The following ANO1 variants were observed in gnomAD, a reference collection of about 807,000 sequenced individuals.
ANO1 encodes anoctamin-1.
ANO1 carries 59 observed loss-of-function variants against 124.0 expected under a neutral mutation model. The observed-to-expected ratio is 0.48, with a 90% CI of 0.39 to 0.59. The LOEUF is 0.59. Among genes scored for constraint, ANO1 ranks in the 20% least tolerant of loss-of-function variants. The pLI is 0.00. For synonymous variants in ANO1, 529 were observed against 532.0 expected (o/e 0.99, Z 0.08); for missense variants, 1,059 against 1,328.0 (o/e 0.80, Z 3.15).
chr11:70,157,602 C>T (rs2047871453), intron 16 of ANO1, among the ~76,000 whole-genome samples: 1 of 152,130 alleles, frequency 6.6e-6, no homozygotes, highest in Non-Finnish European at 1.5e-5. Context: ...TGATACACAG[C>T]TTTCATTTTG....
chr11:70,169,235 A>AAAGGGG (rs1450068729), intron 21 of ANO1, among the ~76,000 whole-genome samples: 1 of 152,144 alleles, frequency 6.6e-6, no homozygotes. Flanking sequence ...GGGTTTGGAC[A>AAAGGGG]AAGGGGACTT....
At chr11:70,075,260 T>C (rs2044043591), upstream of ANO1, 1 of 152,196 alleles carries the variant, frequency 6.6e-6, no homozygotes, top group African/African-American at 2.4e-5. Flanking sequence ...AGGGCTCCCC[T>C]GTGCTGCCTC....
chr11:70,000,283 T>C (rs1277205633), intron 1 of ANO1, among the ~76,000 whole-genome samples: 1 of 148,858 alleles, frequency 6.7e-6, no homozygotes, highest in African/African-American at 2.5e-5. Flanking sequence ...ACATCTGCTT[T>C]ATAAGGGAAA....
intron 8 of ANO1, among the ~76,000 whole-genome samples, chr11:70,118,425 T>G (rs1309128104): frequency 6.6e-6 from 1 of 152,144 alleles, no homozygotes; most frequent in Admixed American, 6.5e-5. Context: ...CCATGTAATT[T>G]TAGGTCCCAG....
intron 1 of ANO1, among the ~76,000 whole-genome samples, chr11:70,067,501 T>C (rs371019891): frequency 2.0e-5 from 3 of 152,174 alleles, no homozygotes; most frequent in South Asian, 4.1e-4. Flanking sequence ...CTAATTTTTG[T>C]ATTTTTAGTA....
rs2049191868 is a variant in ANO1, at chr11:70,187,785, C to T, written c.2742C>T (p.Asp914=). The T allele has an allele frequency of 6.2e-7, 1 of 1,609,826 alleles. No homozygotes were observed. The highest frequency in any genetic ancestry group is 8.5e-7 in the Non-Finnish European group (1 of 1,178,320). Residue 914 remains aspartate (D), a synonymous_variant, in exon 26 of 26, where the codon GAC becomes GAT. Coordinates refer to ENST00000355303, the MANE Select transcript of ANO1 (RefSeq NM_018043.7). ...MSDFVDWVIP[D]IPKDISQQIH... ...ACTTTGTGGACTGGGTCATCCCGGA[C>T]ATCCCCAAGGACATCAGCCAGCAGA...
rs1590921548 is a variant in ANO1 at position 70,173,231 on chromosome 11, G to A, written c.2350+2192G>A. On this transcript the variant is annotated intron_variant, in intron 22 of 25. Coordinates refer to ENST00000355303, the MANE Select transcript of ANO1 (RefSeq NM_018043.7). Reference sequence around the variant, plus strand: ...CCCGGCAGCTTCACATTTGCACTGCGTAAGGCCCTGGCTTTGAAAGGGGCC... The same window carrying A: ...CCCGGCAGCTTCACATTTGCACTGCATAAGGCCCTGGCTTTGAAAGGGGCC... Among the ~76,000 whole-genome samples, 2 of 152,180 alleles carry A rather than the reference G, an allele frequency of 1.3e-5. 1 individual carries two copies. Among genetic ancestry groups the A allele is most frequent in the South Asian group, 4.1e-4 (2 of 4,824 alleles).
intron 11 of ANO1, among the ~76,000 whole-genome samples, chr11:70,132,794 C>T (rs1306252012): frequency 6.6e-6 from 1 of 152,242 alleles, no homozygotes; most frequent in African/African-American, 2.4e-5. Context: ...GTGTCTCAGC[C>T]TGTGCCAGCT....
intron 18 of ANO1, among the ~76,000 whole-genome samples, chr11:70,162,278 C>A (rs1312179975): frequency 6.7e-6 from 1 of 148,158 alleles, no homozygotes; most frequent in Non-Finnish European, 1.5e-5. Context: ...ACAGTGGGGA[C>A]CCCGGGCAGT....
chr11:70,105,700 A>C, intron 4 of ANO1, 34 bp from the exon 5 acceptor site: 2 of 1,606,432 alleles, frequency 1.2e-6, no homozygotes, highest in Non-Finnish European at 1.7e-6. Flanking sequence ...GCTCTGGTGA[A>C]CTGTGTCTTG....
In ANO1 at chr11:69,991,021, T is replaced by C. The variant is rs147051028; in HGVS notation, c.58+4855T>C. Among the ~76,000 whole-genome samples the C allele has an allele frequency of 1.2e-4, 18 of 152,356 alleles. No individual in the cohort carries two copies. In the East Asian group the frequency reaches 3.5e-3, roughly 29 times the overall value. On this transcript the variant is annotated intron_variant, in intron 1 of 27. Transcript: ENST00000531349. ...TGTTGCTCATGCTTTTGGAGTCATC[T>C]CTAAGAATCCATTGCCAAATTCAAG... is the stretch of plus-strand genomic sequence containing the variant.
At chr11:70,116,584 G>T (rs2045984948) in intron 8 of ANO1, 85 bp downstream of exon 8, 1 of 1,410,840 alleles carries the variant, frequency 7.1e-7, no homozygotes, top group African/African-American at 1.4e-5. Flanking sequence ...CTGGACCGAG[G>T]ACTTACCGGC....
At chr11:70,088,897 G>A (rs113049116) in intron 2 of ANO1, among the ~76,000 whole-genome samples, 1 of 152,194 alleles carries the variant, frequency 6.6e-6, no homozygotes, top group African/African-American at 2.4e-5. Context: ...CTGAAGCCCT[G>A]CTCCCTAGCA....
chr11:70,178,907 A>T (rs923065592), intron 22 of ANO1, among the ~76,000 whole-genome samples: 1 of 152,232 alleles, frequency 6.6e-6, no homozygotes, highest in African/African-American at 2.4e-5. Context: ...ACTGTGATCT[A>T]TCATTGAATT....
At chr11:69,978,438 C>T in the ANO1 span, among the ~76,000 whole-genome samples, 2 of 152,306 alleles carry the variant, frequency 1.3e-5, no homozygotes, top group African/African-American at 4.8e-5. Context: ...ACAGCCTTGA[C>T]CTCCAGGGCT....
At chr11:70,143,922 C>G (rs748498022) in intron 11 of ANO1, among the ~76,000 whole-genome samples, 1 of 152,146 alleles carries the variant, frequency 6.6e-6, no homozygotes, top group Non-Finnish European at 1.5e-5. Context: ...ACGCCTCTGT[C>G]TAATTCCAGA....
intron 10 of ANO1, among the ~76,000 whole-genome samples, chr11:70,127,018 GGT>G: frequency 7.3e-6 from 1 of 136,170 alleles, no homozygotes; most frequent in South Asian, 2.9e-4. Flanking sequence ...GGTACAGGCT[GGT>G]GCTCCCAGGA....
At chr11:70,091,916 T>G (rs2044642454) in intron 2 of ANO1, among the ~76,000 whole-genome samples, 1 of 152,192 alleles carries the variant, frequency 6.6e-6, no homozygotes, top group Non-Finnish European at 1.5e-5. Context: ...ACGGGGCCAG[T>G]TCTTGGAGAT....
intron 1 of ANO1, among the ~76,000 whole-genome samples, chr11:70,030,888 T>A (rs141700119): frequency 6.6e-6 from 1 of 152,302 alleles, no homozygotes; most frequent in Non-Finnish European, 1.5e-5. Flanking sequence ...CCCGTTTTAA[T>A]TGACAAACTG....
Sources: allele counts gnomAD v4.1 joint callset (sites outside exome capture counted in the v4.1 genomes callset), GRCh38; gene constraint gnomAD v4.1.1; transcripts MANE v1.5; gene names NCBI Gene and HGNC (gene_info 2026-07-23, HGNC 2026-07-21).